The following COLEC12 variants were observed in gnomAD, a reference collection of about 807,000 sequenced individuals.
The protein encoded by COLEC12 is collectin subfamily member 12.
In COLEC12, 33 loss-of-function variants were observed where a neutral mutation model predicts 71.1. The ratio of observed to expected loss-of-function variants is 0.46; its 90% confidence interval spans 0.35 to 0.62. The LOEUF (loss-of-function observed/expected upper bound fraction) is 0.62, where lower values mean the gene tolerates loss of function less well. Among genes scored for constraint, COLEC12 ranks in the 20% least tolerant of loss-of-function variants. The probability of loss-of-function intolerance (pLI) is 0.00; values close to 1 mark genes in which losing one functional copy is unlikely to be tolerated. For missense variants in COLEC12, 765 were observed against 916.1 expected, an observed-to-expected ratio of 0.84 and a Z score of 2.13; for synonymous variants, 350 against 353.0, an observed-to-expected ratio of 0.99 and a Z score of 0.10.
chr18:370,162 A>G (rs1196765065), intron 2 of COLEC12, among the ~76,000 whole-genome samples: 1 of 152,248 alleles, frequency 6.6e-6, no homozygotes. Context: ...TGCAGGCAGA[A>G]GGCCTTTTGA....
At chr18:472,693 AAAAAAAAAAAG>A (rs1291521640) in intron 2 of COLEC12, among the ~76,000 whole-genome samples, 8 of 148,948 alleles carry the variant, frequency 5.4e-5, no homozygotes, top group Non-Finnish European at 5.9e-5. Context: ...AAAAAAAAAA[AAAAAAAAAAAG>A]AAGAAGAAGA....
chr18:347,137 A>G lies in COLEC12; in HGVS notation c.485T>C (p.Phe162Ser). ...GGTTTTGTTTACAGTGGTGATGAGG[A>G]AAGAGTTATTCTCCAAAGTTTCTTT... ...QLKETLENNS[F>S]LITTVNKTLQ... is the part of the protein sequence containing the mutation. Residue 162 changes from phenylalanine (F) to serine (S), a missense_variant, in exon 5 of 10, where the codon TTC (phenylalanine) becomes TCC (serine). Coordinates refer to ENST00000400256, the MANE Select transcript of COLEC12 (RefSeq NM_130386.3). 6.2e-7 allele frequency: 1 copy of G among 1,614,196 alleles called. No individual in the cohort carries two copies.
At chr18:332,915 G>T in intron 7 of COLEC12, 92 bp downstream of exon 7, 1 of 1,175,238 alleles carries the variant, frequency 8.5e-7, no homozygotes, top group Non-Finnish European at 1.2e-6. Flanking sequence ...AGGAATTCGT[G>T]ATATCTCTGA....
intron 2 of COLEC12, among the ~76,000 whole-genome samples, chr18:418,071 A>C (rs1344212536): frequency 4.6e-5 from 7 of 152,108 alleles, no homozygotes; most frequent in Non-Finnish European, 2.9e-5. Flanking sequence ...TCAGAGTTTA[A>C]AGTTCTGGGC....
At chr18:386,891 G>C (rs1000416153) in intron 2 of COLEC12, among the ~76,000 whole-genome samples, 7 of 151,932 alleles carry the variant, frequency 4.6e-5, no homozygotes, top group African/African-American at 1.7e-4. Context: ...GGCACACATA[G>C]CTTCTGAAGA....
At chr18:321,527 C>T in intron 9 of COLEC12, 135 bp downstream of exon 9, 1 of 859,464 alleles carries the variant, frequency 1.2e-6, no homozygotes, top group Middle Eastern at 2.3e-4. Flanking sequence ...AATCACCTGC[C>T]CAGTTAATAA....
intron 2 of COLEC12, among the ~76,000 whole-genome samples, chr18:455,763 C>T (rs1219323726): frequency 6.6e-6 from 1 of 151,974 alleles, no homozygotes; most frequent in Non-Finnish European, 1.5e-5. Flanking sequence ...TTTTCTGTTC[C>T]TGTGTTAGTT....
At chr18:478,811 C>T (rs892913557) in intron 2 of COLEC12, among the ~76,000 whole-genome samples, 1 of 151,044 alleles carries the variant, frequency 6.6e-6, no homozygotes, top group South Asian at 2.1e-4. Flanking sequence ...CTATTTGTAC[C>T]GCTTGGCATC....
At chr18:436,908 T>C (rs1916418216) in intron 2 of COLEC12, among the ~76,000 whole-genome samples, 1 of 152,198 alleles carries the variant, frequency 6.6e-6, no homozygotes, top group African/African-American at 2.4e-5. Flanking sequence ...TCAAAAAATA[T>C]CTGTTAATTA....
chr18:321,585 C>T (rs975130865), intron 9 of COLEC12, 77 bp downstream of exon 9: 1 of 1,523,674 alleles, frequency 6.6e-7, no homozygotes, highest in Non-Finnish European at 9.1e-7. Flanking sequence ...GCATTCAGGG[C>T]CCTTGTACTC....
At chr18:431,793 C>T (rs1017142502) in intron 2 of COLEC12, among the ~76,000 whole-genome samples, 1 of 152,112 alleles carries the variant, frequency 6.6e-6, no homozygotes, top group Non-Finnish European at 1.5e-5. Flanking sequence ...AAAGCAGTAG[C>T]GGCAGTAGAA....
intron 2 of COLEC12, among the ~76,000 whole-genome samples, chr18:367,446 C>A (rs1324117948): frequency 2.6e-5 from 4 of 152,158 alleles, no homozygotes; most frequent in African/African-American, 9.7e-5. Flanking sequence ...ATCAACCTGA[C>A]AGACATTCCT....
intron 2 of COLEC12, among the ~76,000 whole-genome samples, chr18:473,274 T>C (rs1197142966): frequency 6.6e-6 from 1 of 152,180 alleles, no homozygotes; most frequent in Admixed American, 6.5e-5. Context: ...GTTCACAACT[T>C]TGCAGAGGAT....
chr18:323,420 G>T (rs2143408187), intron 8 of COLEC12, among the ~76,000 whole-genome samples: 1 of 152,270 alleles, frequency 6.6e-6, no homozygotes, highest in East Asian at 1.9e-4. Flanking sequence ...GGTATCATCT[G>T]GGTGATGGCA....
chr18:416,917 A>G (rs1045811822), intron 2 of COLEC12, among the ~76,000 whole-genome samples: 1 of 152,184 alleles, frequency 6.6e-6, no homozygotes, highest in South Asian at 2.1e-4. Context: ...AGGGAAGGGC[A>G]TTCCAGGCAG....
In COLEC12 at chr18:362,304, G is replaced by A. The variant is rs998748996; in HGVS notation, c.59-4782C>T. On this transcript the variant is annotated intron_variant, in intron 2 of 9. Transcript: ENST00000400256. This position sits in a 1 kb window ranked among gnomAD's most constrained non-coding sequence, Gnocchi z 4.6. ...CCTGGCCTCCCTTTCCACTTGACAC[G>A]CTTTCTCTGTCTTGTTTTCCCCCTC... 3.9e-5 allele frequency among the ~76,000 whole-genome samples: 6 copies of A among 152,068 alleles called. No individual in the cohort carries two copies. In the East Asian group the frequency reaches 5.8e-4, roughly 15 times the overall value.
chr18:487,728 T>C (rs752816784), intron 1 of COLEC12, among the ~76,000 whole-genome samples: 1 of 152,196 alleles, frequency 6.6e-6, no homozygotes, highest in Non-Finnish European at 1.5e-5. Context: ...TGGTAAAGAT[T>C]AGAAGGTTCT....
At chr18:360,525 G>A (rs1055745282) in intron 2 of COLEC12, among the ~76,000 whole-genome samples, 1 of 152,008 alleles carries the variant, frequency 6.6e-6, no homozygotes, top group Non-Finnish European at 1.5e-5. Flanking sequence ...CCCAGGTGAT[G>A]CTGATGCTGA....
In COLEC12 at chr18:462,062, C is replaced by T. The variant is rs114935395; in HGVS notation, c.58+18645G>A. 8.7e-3 allele frequency among the ~76,000 whole-genome samples: 1,327 copies of T among 152,290 alleles called. 20 individuals are homozygous for T. Among genetic ancestry groups the T allele is most frequent in the African/African-American group, 0.03 (1,258 of 41,558 alleles). ...AAAATAATTCAAGCTGGTCTTTTTC[C>T]CTTTTTTGGTGAAGGGAATGAGGAT... is the stretch of plus-strand genomic sequence containing the variant. On this transcript the variant is annotated intron_variant, in intron 2 of 9. Coordinates refer to ENST00000400256, the MANE Select transcript of COLEC12 (RefSeq NM_130386.3).
Sources: gnomAD v4.1 joint callset for allele counts (sites outside exome capture counted in the v4.1 genomes callset) on GRCh38, gnomAD v4.1.1 for gene constraint, Gnocchi (gnomAD v3.1) non-coding constraint, MANE v1.5 for transcripts, NCBI Gene and HGNC (gene_info 2026-07-23, HGNC 2026-07-21) for gene names.